SNTG1: variants seen among roughly 807,000 people sequenced by gnomAD.
The protein encoded by SNTG1 is gamma-1-syntrophin.
SNTG1 carries 39 observed loss-of-function variants against 74.7 expected under a neutral mutation model. The observed-to-expected ratio is 0.52, with a 90% CI of 0.40 to 0.68. SNTG1 has a LOEUF of 0.68. SNTG1 is among the 30% of genes least tolerant of loss of function. SNTG1 has a pLI of 0.00. For missense variants in SNTG1, 685 were observed against 609.5 expected (o/e 1.12, Z -1.30); for synonymous variants, 254 against 217.1 (o/e 1.17, Z -1.49).
At chr8:50,301,909 T>G (rs1465908684) in intron 2 of SNTG1, among the ~76,000 whole-genome samples, 1 of 151,740 alleles carries the variant, frequency 6.6e-6, no homozygotes, top group Non-Finnish European at 1.5e-5. Context: ...CAGGCTGGAG[T>G]GCAGTGGCTC....
At chr8:50,597,396 T>C (rs796450328) in intron 13 of SNTG1, among the ~76,000 whole-genome samples, 54 of 134,624 alleles carry the variant, frequency 4.0e-4, no homozygotes, top group African/African-American at 1.6e-3. Context: ...TATACATATA[T>C]ACATATATAC....
At chr8:50,750,102 A>T (rs2095563966) in intron 17 of SNTG1, among the ~76,000 whole-genome samples, 1 of 152,104 alleles carries the variant, frequency 6.6e-6, no homozygotes, top group African/African-American at 2.4e-5. Flanking sequence ...AGGTCAAAAT[A>T]TCAATATAAA....
At chr8:50,479,254 A>G (rs1337305597) in intron 8 of SNTG1, among the ~76,000 whole-genome samples, 6 of 151,472 alleles carry the variant, frequency 4.0e-5, no homozygotes, top group African/African-American at 1.5e-4. Context: ...GAATTAAAAC[A>G]CTTGGCTTTT....
intron 17 of SNTG1, among the ~76,000 whole-genome samples, chr8:50,740,076 A>G (rs1178295149): frequency 6.6e-6 from 1 of 152,088 alleles, no homozygotes; most frequent in Non-Finnish European, 1.5e-5. Flanking sequence ...AGATTTCATG[A>G]TGAAGATGCC....
chr8:50,520,455 C>T (rs544024551), intron 9 of SNTG1, among the ~76,000 whole-genome samples: 1 of 152,228 alleles, frequency 6.6e-6, no homozygotes, highest in African/African-American at 2.4e-5. Context: ...TCAAATTAAA[C>T]TAAAGAGCTT....
chr8:50,706,842 G>T (rs185397231), intron 16 of SNTG1, among the ~76,000 whole-genome samples: 194 of 151,868 alleles, frequency 1.3e-3, no homozygotes, highest in Non-Finnish European at 2.3e-3. Context: ...CAGTAAAGTT[G>T]ATAGGGAATT....
chr8:50,107,422 C>A (rs1486759325), intron 1 of SNTG1, among the ~76,000 whole-genome samples: 1 of 152,018 alleles, frequency 6.6e-6, no homozygotes, highest in Non-Finnish European at 1.5e-5. Flanking sequence ...AGTAAGGTGT[C>A]TTTAAATACT....
chr8:50,430,363 C>T (rs1361674896), intron 4 of SNTG1, among the ~76,000 whole-genome samples: 1 of 152,058 alleles, frequency 6.6e-6, no homozygotes, highest in African/African-American at 2.4e-5. Flanking sequence ...ATACTGATGT[C>T]CCCAACTAGT....
At chr8:50,668,401 C>T (rs532267122) in intron 15 of SNTG1, among the ~76,000 whole-genome samples, 1 of 151,240 alleles carries the variant, frequency 6.6e-6, no homozygotes, top group Admixed American at 6.6e-5. Context: ...TTGTTTCATA[C>T]TCTTTTCTTG....
chr8:50,265,800 A>T (rs933300632), intron 2 of SNTG1, among the ~76,000 whole-genome samples: 1 of 150,750 alleles, frequency 6.6e-6, no homozygotes, highest in African/African-American at 2.5e-5. Context: ...AGTAGTGATG[A>T]AAAACCTTTA....
intron 8 of SNTG1, among the ~76,000 whole-genome samples, chr8:50,456,687 A>G (rs1417782895): frequency 6.6e-6 from 1 of 152,326 alleles, no homozygotes; most frequent in East Asian, 1.9e-4. Context: ...TCAAGTTTCA[A>G]TATAAAATTT....
chr8:50,550,271 C>A (rs2094416785), intron 11 of SNTG1, among the ~76,000 whole-genome samples: 1 of 152,136 alleles, frequency 6.6e-6, no homozygotes, highest in Non-Finnish European at 1.5e-5. Flanking sequence ...CCATGGGGAG[C>A]TTCCAGAACT....
chr8:50,147,557 A>G (rs1162855642), intron 1 of SNTG1, among the ~76,000 whole-genome samples: 1 of 152,174 alleles, frequency 6.6e-6, no homozygotes, highest in Non-Finnish European at 1.5e-5. Context: ...TACTCTAAAG[A>G]GTGACTTTGG....
chr8:50,309,437 T>A (rs533032094), intron 2 of SNTG1, among the ~76,000 whole-genome samples: 1 of 152,304 alleles, frequency 6.6e-6, no homozygotes, highest in South Asian at 2.1e-4. Flanking sequence ...TTTGATTCCT[T>A]CGGCCCACAT....
At chr8:50,245,680 C>T (rs1333541518) in intron 2 of SNTG1, among the ~76,000 whole-genome samples, 1 of 151,966 alleles carries the variant, frequency 6.6e-6, no homozygotes, top group Non-Finnish European at 1.5e-5. Context: ...AAGAGTCCAT[C>T]TCAAACAAAC....
chr8:50,348,377 C>G (rs959999231), intron 2 of SNTG1, among the ~76,000 whole-genome samples: 1 of 152,154 alleles, frequency 6.6e-6, no homozygotes, highest in Admixed American at 6.5e-5. Flanking sequence ...CTGCACCCAC[C>G]CCCACTACCC....
chr8:50,690,547 G>T (rs891841187), intron 15 of SNTG1, among the ~76,000 whole-genome samples: 1 of 152,132 alleles, frequency 6.6e-6, no homozygotes, highest in African/African-American at 2.4e-5. Context: ...TTTCCATGTA[G>T]TTGTGTGGTT....
At chr8:50,648,490 A>G (rs2095124491) in intron 13 of SNTG1, among the ~76,000 whole-genome samples, 1 of 152,168 alleles carries the variant, frequency 6.6e-6, no homozygotes, top group Admixed American at 6.5e-5. Context: ...TAATTGAGAA[A>G]TAATGCTTAT....
intron 2 of SNTG1, among the ~76,000 whole-genome samples, chr8:50,388,129 G>A (rs1367790435): frequency 6.6e-6 from 1 of 152,156 alleles, no homozygotes; most frequent in Non-Finnish European, 1.5e-5. Context: ...GGAGATAAGG[G>A]TATAATCTAA....
Sources: gnomAD v4.1 joint callset for allele counts (sites outside exome capture counted in the v4.1 genomes callset) on GRCh38, gnomAD v4.1.1 for gene constraint, MANE v1.5 for transcripts, NCBI Gene and HGNC (gene_info 2026-07-23, HGNC 2026-07-21) for gene names.